Variants in SRGAP2 observed in about 807,000 individuals in gnomAD.
SRGAP2 encodes SLIT-ROBO Rho GTPase activating protein 2, also known as SLIT-ROBO Rho GTPase-activating protein 2.
A neutral mutation model predicts 57.2 loss-of-function variants in SRGAP2; 15 were observed. That is an observed-to-expected ratio of 0.26 (90% CI 0.18 to 0.40). SRGAP2 has a LOEUF of 0.40. SRGAP2 is among the 10% of genes least tolerant of loss of function. The pLI, the probability that SRGAP2 is intolerant of heterozygous loss-of-function variation, is 1.00. For synonymous variants in SRGAP2, 249 were observed against 248.0 expected (o/e 1.00, Z -0.04); for missense variants, 520 against 669.6 (o/e 0.78, Z 2.47).
At chr1:206,378,580 G>A (rs1203050564) in intron 4 of SRGAP2, among the ~76,000 whole-genome samples, 9 of 152,216 alleles carry the variant, frequency 5.9e-5, no homozygotes, top group Non-Finnish European at 1.2e-4. Flanking sequence ...GGACTTCCTC[G>A]GTGGAGTGGG....
intron 2 of SRGAP2, among the ~76,000 whole-genome samples, chr1:206,280,056 G>A (rs1670644515): frequency 6.6e-6 from 1 of 151,408 alleles, no homozygotes; most frequent in African/African-American, 2.4e-5. Flanking sequence ...GGTTTTTCAA[G>A]GAAGGATATA....
At chr1:206,404,640 C>T (rs1658528309) in intron 8 of SRGAP2, among the ~76,000 whole-genome samples, 1 of 152,190 alleles carries the variant, frequency 6.6e-6, no homozygotes, top group East Asian at 2.0e-4. Flanking sequence ...TCTTACAGAT[C>T]TAGGGAAGGC....
rs1654693965 is a variant in SRGAP2, at chr1:206,372,927, C to T, written c.424-11087C>T. 1.1e-3 allele frequency among the ~76,000 whole-genome samples: 8 copies of T among 7,172 alleles called. 1 individual carries two copies. The South Asian group carries it at 0.087, about 78-fold the overall frequency. 4.7% of individuals were successfully genotyped at this position (7,172 alleles called of 152,430 possible). On this transcript the variant is annotated intron_variant, in intron 4 of 22. Coordinates refer to ENST00000573034, the MANE Select transcript of SRGAP2 (RefSeq NM_015326.5). ...TCTTTCTTTCTTTCTTTCTTTCTTTCTTTCTTTCTTTCTTTCTTTCTTTCT... is the reference window on the plus strand; with the variant it reads ...TCTTTCTTTCTTTCTTTCTTTCTTTTTTTCTTTCTTTCTTTCTTTCTTTCT...
At chr1:206,414,392 A>G (rs1202625298) in intron 10 of SRGAP2, among the ~76,000 whole-genome samples, 1 of 152,144 alleles carries the variant, frequency 6.6e-6, no homozygotes, top group Non-Finnish European at 1.5e-5. Context: ...CATGAAATCA[A>G]AGGTTTGATG....
intron 3 of SRGAP2, chr1:206,333,340 G>C: frequency 8.1e-7 from 1 of 1,229,848 alleles, no homozygotes; most frequent in South Asian, 1.2e-5. Flanking sequence ...TTTGAGCCAG[G>C]GCTTGAAGCA....
intron 3 of SRGAP2, among the ~76,000 whole-genome samples, chr1:206,325,798 T>G (rs1263981821): frequency 8.5e-5 from 13 of 152,172 alleles, no homozygotes; most frequent in Admixed American, 7.2e-4. Context: ...TTTTAAATTT[T>G]TTGGTGTGCA....
At chr1:206,326,389 G>A (rs529741233) in intron 3 of SRGAP2, among the ~76,000 whole-genome samples, 3 of 151,762 alleles carry the variant, frequency 2.0e-5, no homozygotes, top group South Asian at 2.1e-4. Context: ...GCTTTCAGGC[G>A]CCGTTAGGCA....
intron 11 of SRGAP2, among the ~76,000 whole-genome samples, chr1:206,418,888 CTGTGTGTG>C (rs1159940831): frequency 0.025 from 3,381 of 136,626 alleles, 118 homozygotes; most frequent in African/African-American, 0.076. Context: ...CCAACTCTCT[CTGTGTGTG>C]TGTGTGTGTG....
At chr1:206,326,797 G>C (rs538400457) in intron 3 of SRGAP2, among the ~76,000 whole-genome samples, 73 of 152,290 alleles carry the variant, frequency 4.8e-4, no homozygotes, top group African/African-American at 1.7e-3. Flanking sequence ...TAAAGTCTCA[G>C]CTGCATTAGG....
At chr1:206,384,574 A>G (rs1395260510) in intron 5 of SRGAP2, among the ~76,000 whole-genome samples, 2 of 152,220 alleles carry the variant, frequency 1.3e-5, no homozygotes, top group African/African-American at 4.8e-5. Context: ...GACCAGTTTG[A>G]GCAGAGAGAG....
At chr1:206,284,459 G>GT (rs1216418360) in intron 2 of SRGAP2, among the ~76,000 whole-genome samples, 20 of 149,154 alleles carry the variant, frequency 1.3e-4, no homozygotes, top group Non-Finnish European at 2.7e-4. Flanking sequence ...TGTTGTTGTT[G>GT]TTTTTTTTGA....
At chr1:206,314,105 G>T (rs78239790) in intron 3 of SRGAP2, among the ~76,000 whole-genome samples, 3,874 of 138,488 alleles carry the variant, frequency 0.028, 77 homozygotes, top group African/African-American at 0.05. Context: ...TGTTTTTTTT[G>T]TTTTTTTTTT....
chr1:206,385,739 AG>A (rs1656163458), intron 5 of SRGAP2, among the ~76,000 whole-genome samples: 1 of 152,146 alleles, frequency 6.6e-6, no homozygotes, highest in Admixed American at 6.5e-5. Context: ...TCTGGTCTGC[AG>A]AGGGCCGAGC....
intron 3 of SRGAP2, among the ~76,000 whole-genome samples, chr1:206,309,499 G>A (rs1672477726): frequency 6.7e-6 from 1 of 149,618 alleles, no homozygotes; most frequent in Admixed American, 6.6e-5. Context: ...GAGTGGAAAG[G>A]AAGTAGGAAT....
intron 4 of SRGAP2, among the ~76,000 whole-genome samples, chr1:206,381,047 C>G (rs1655659616): frequency 6.6e-6 from 1 of 152,212 alleles, no homozygotes; most frequent in African/African-American, 2.4e-5. Flanking sequence ...CATGTAGTCC[C>G]AGCCCAACCC....
chr1:206,456,140 T>C (rs1663813289), intron 21 of SRGAP2: 1 of 152,218 alleles, frequency 6.6e-6, no homozygotes, highest in Non-Finnish European at 1.5e-5. Flanking sequence ...GAATAAAGGA[T>C]GCTTGTTGTT....
rs202114533 is a variant in SRGAP2, at chr1:206,453,213, C to T, written c.2193C>T (p.Ile731=). ...CACCCTTCTCAGAATGTGAGCCCAT[C>T]GAGGCCATTGCCAAGTTTGACTACG... ...HHTSDDECEP[I]EAIAKFDYVG... is the part of the protein sequence containing the mutation. Residue 731 remains isoleucine (I), a synonymous_variant, in exon 20 of 23, where the codon ATC becomes ATT. Transcript: ENST00000573034. The T allele has an allele frequency of 1.3e-3, 746 of 562,758 alleles. 9 individuals carry two copies. The highest frequency in any genetic ancestry group is 8.6e-3 in the South Asian group (377 of 44,066). 34.9% of individuals were successfully genotyped at this position (562,758 alleles called of 1,614,324 possible).
chr1:206,455,117 C>G, intron 21 of SRGAP2, 93 bp downstream of exon 21: 1 of 771,226 alleles, frequency 1.3e-6, no homozygotes, highest in Non-Finnish European at 2.4e-6. Flanking sequence ...TCCTGTGCTG[C>G]ACGTAGGGCT....
At chr1:206,284,874 ACCATGG>A (rs1670933194) in intron 2 of SRGAP2, among the ~76,000 whole-genome samples, 1 of 152,230 alleles carries the variant, frequency 6.6e-6, no homozygotes, top group Non-Finnish European at 1.5e-5. Flanking sequence ...TTGCAAAACC[ACCATGG>A]CCTAGATAAT....
Sources: gnomAD v4.1 joint callset for allele counts (sites outside exome capture counted in the v4.1 genomes callset) on GRCh38, gnomAD v4.1.1 for gene constraint, MANE v1.5 for transcripts, NCBI Gene and HGNC (gene_info 2026-07-23, HGNC 2026-07-21) for gene names.